The following LAMB4 variants were observed in gnomAD, a reference collection of about 807,000 sequenced individuals.
LAMB4 encodes laminin subunit beta-4.
LAMB4 carries 196 observed loss-of-function variants against 199.2 expected under a neutral mutation model. The ratio of observed to expected loss-of-function variants is 0.98; its 90% CI spans 0.88 to 1.11. The LOEUF is 1.11. Among genes scored for constraint, LAMB4 ranks in the 50% least tolerant of loss-of-function variants. The pLI is 0.00. For synonymous variants in LAMB4, 744 were observed against 770.6 expected (o/e 0.97, Z 0.57); for missense variants, 2,080 against 2,171.2 (o/e 0.96, Z 0.83).
chr7:108,067,983 CAAGT>C (rs1296503323), intron 19 of LAMB4, 29 bp downstream of exon 19: 20 of 1,613,628 alleles, frequency 1.2e-5, no homozygotes, highest in Admixed American at 1.7e-5. Flanking sequence ...AGACTGTGAG[CAAGT>C]GTTTCCCCTT....
rs2036518875 is a variant in LAMB4, at chr7:108,071,122, T to C, written c.2125-1237A>G. 2.0e-5 allele frequency among the ~76,000 whole-genome samples: 3 copies of C among 146,542 alleles called. No individual in the cohort carries two copies. In the South Asian group the frequency reaches 6.3e-4, roughly 31 times the overall value. On this transcript the variant is annotated intron_variant, in intron 17 of 33. Transcript: ENST00000388781. ...CTTCCTCTCAACTCACATTTAAATG[T>C]GCTCAAGTCTCTCCCATCTATAAAA...
chr7:108,062,687 T>C (rs2036204271), intron 23 of LAMB4, 87 bp downstream of exon 23: 1 of 749,158 alleles, frequency 1.3e-6, no homozygotes, highest in Admixed American at 4.2e-5. Flanking sequence ...CAACAGTACA[T>C]AAAAGAAACT....
chr7:108,084,548 G>T (rs769076680), intron 14 of LAMB4, among the ~76,000 whole-genome samples: 1 of 152,152 alleles, frequency 6.6e-6, no homozygotes, highest in Non-Finnish European at 1.5e-5. Flanking sequence ...CTGCTTCCTT[G>T]TTGACCCATT....
At chr7:108,066,116 C>T (rs2036331556) in intron 20 of LAMB4, among the ~76,000 whole-genome samples, 197 bp from the exon 21 acceptor site, 1 of 152,204 alleles carries the variant, frequency 6.6e-6, no homozygotes, top group Non-Finnish European at 1.5e-5. Context: ...TATGTAATAG[C>T]ACTCGATTTA....
At chr7:108,053,148 C>T (rs555385367) in intron 25 of LAMB4, among the ~76,000 whole-genome samples, 2 of 152,248 alleles carry the variant, frequency 1.3e-5, no homozygotes, top group South Asian at 2.1e-4. Flanking sequence ...TTACATATGC[C>T]GGACACTATG....
In LAMB4 at chr7:108,105,838, A is replaced by G; in HGVS notation, c.849T>C (p.Asp283=). The change falls in exon 8 of 34, where the codon GAT becomes GAC. Residue 283 remains aspartate (D), a synonymous_variant. Coordinates refer to ENST00000388781, the MANE Select transcript of LAMB4 (RefSeq NM_007356.3). ...TCACCATTCCAGGAGGGCTGAAAAC[A>G]TCTCCCCGCATCTTCTGCATAGGGC... is the stretch of plus-strand genomic sequence containing the variant. The part of the protein sequence containing the change: ...ECRPMQKMRG[D]VFSPPGMVHG... The G allele has an allele frequency of 6.2e-7, 1 of 1,614,204 alleles. No homozygotes were observed. The highest frequency in any genetic ancestry group is 1.3e-5 in the African/African-American group (1 of 75,054).
intron 2 of LAMB4, among the ~76,000 whole-genome samples, chr7:108,118,016 A>C (rs2038468256): frequency 6.6e-6 from 1 of 152,158 alleles, no homozygotes; most frequent in Admixed American, 6.5e-5. Flanking sequence ...AGAATGCCTT[A>C]ACCATCTGGG....
chr7:108,110,825 G>A (rs2038197249), intron 4 of LAMB4, among the ~76,000 whole-genome samples: 3 of 152,102 alleles, frequency 2.0e-5, no homozygotes, highest in African/African-American at 7.2e-5. Context: ...TCAATAACAA[G>A]GATCCAAAAT....
chr7:108,020,749 G>A (rs2034675771), downstream of LAMB4, among the ~76,000 whole-genome samples: 1 of 152,124 alleles, frequency 6.6e-6, no homozygotes, highest in Admixed American at 6.6e-5. Flanking sequence ...CAAGCAAAAG[G>A]TTCCTTTTTG....
At position 108,065,761 on chromosome 7, in the gene LAMB4, C is replaced by G. The variant is rs1344037379; in HGVS notation, c.2836+1G>C. On this transcript the variant is annotated splice_donor_variant, in intron 21 of 33. Coordinates refer to ENST00000388781, the MANE Select transcript of LAMB4 (RefSeq NM_007356.3). LOFTEE classifies it high-confidence loss of function. ...ATTGCATCAAGCACTATACTGCATA[C>G]CCGTATAACCTTGAAGACAATTGCA... 6.2e-7 allele frequency: 1 copy of G among 1,613,060 alleles called. No homozygotes were observed. Among genetic ancestry groups the G allele is most frequent in the East Asian group, 2.2e-5 (1 of 44,872 alleles).
chr7:108,022,695 C>G (rs1332143402), downstream of LAMB4, among the ~76,000 whole-genome samples: 4 of 152,094 alleles, frequency 2.6e-5, no homozygotes, highest in Non-Finnish European at 5.9e-5. Context: ...TCTTTCTATT[C>G]TTCAGGATCT....
chr7:108,024,739 ATCCG>A (rs2034775131), intron 33 of LAMB4, among the ~76,000 whole-genome samples: 2 of 151,896 alleles, frequency 1.3e-5, no homozygotes, highest in African/African-American at 2.4e-5. Context: ...CCATCCATCC[ATCCG>A]TCCGTCCATC....
At chr7:108,112,513 G>A (rs405239) in intron 3 of LAMB4, among the ~76,000 whole-genome samples, 59,966 of 151,712 alleles carry the variant, frequency 0.4, 12,144 homozygotes, top group Non-Finnish European at 0.42. Context: ...GCTGGGTCTT[G>A]AACTCTTGGC....
chr7:108,072,042 G>A (rs2036552142), intron 17 of LAMB4, among the ~76,000 whole-genome samples: 1 of 152,052 alleles, frequency 6.6e-6, no homozygotes, highest in Admixed American at 6.6e-5. Flanking sequence ...GAAATTTGTG[G>A]AGGTGGTTTT....
chr7:108,069,828 C>G lies in LAMB4; in HGVS notation c.2182G>C (p.Asp728His). The change falls in exon 18 of 34, where the codon GAT becomes CAT. Residue 728 changes from aspartate (D) to histidine (H), a missense_variant. Asp to His is a moderately conservative substitution (Grantham distance 81). Coordinates refer to ENST00000388781, the MANE Select transcript of LAMB4 (RefSeq NM_007356.3). ...ACACAGTTGTGAAGCTGATACTCAT[C>G]TAAGTCCTGCTTGCTGCAGAAATTC... ...LENFCSKQDL[D>H]EYQLHNCVEI... The G allele has an allele frequency of 6.2e-7, 1 of 1,613,998 alleles. No homozygotes were observed. Among genetic ancestry groups the G allele is most frequent in the Non-Finnish European group, 8.5e-7 (1 of 1,179,904 alleles).
intron 4 of LAMB4, among the ~76,000 whole-genome samples, chr7:108,109,868 C>G (rs577856832): frequency 6.6e-6 from 1 of 152,188 alleles, no homozygotes; most frequent in East Asian, 1.9e-4. Context: ...GCCCAGATCT[C>G]TCTAGAGCAG....
chr7:108,087,699 T>C (rs2037237244), intron 14 of LAMB4, among the ~76,000 whole-genome samples: 1 of 151,222 alleles, frequency 6.6e-6, no homozygotes, highest in East Asian at 2.0e-4. Flanking sequence ...GTGTCTTTCC[T>C]TCTCCATGTA....
At chr7:108,050,168 G>A (rs963419154) in intron 26 of LAMB4, among the ~76,000 whole-genome samples, 3 of 152,202 alleles carry the variant, frequency 2.0e-5, no homozygotes, top group Non-Finnish European at 2.9e-5. Flanking sequence ...AAGACAGGCT[G>A]TGGGCAGGAT....
chr7:108,082,190 C>G (rs2036972463), intron 14 of LAMB4, among the ~76,000 whole-genome samples: 2 of 152,032 alleles, frequency 1.3e-5, no homozygotes, highest in African/African-American at 4.8e-5. Context: ...GTTAGCTAGG[C>G]ACGGTGGTGC....
Sources: allele counts gnomAD v4.1 joint callset (sites outside exome capture counted in the v4.1 genomes callset), GRCh38; gene constraint gnomAD v4.1.1; transcripts MANE v1.5; gene names NCBI Gene and HGNC (gene_info 2026-07-23, HGNC 2026-07-21).